The following LGI3 variants were observed in gnomAD, a reference collection of about 807,000 sequenced individuals.
The protein encoded by LGI3 is leucine rich repeat LGI family member 3.
LGI3 carries 47 observed loss-of-function variants against 55.4 expected under a neutral mutation model. The ratio of observed to expected loss-of-function variants is 0.85; its 90% CI spans 0.67 to 1.08. The LOEUF is 1.08. Ranked by LOEUF, LGI3 falls within the 50% of genes least tolerant of loss-of-function variation. The pLI is 0.00. For missense variants in LGI3, 664 were observed against 726.3 expected (o/e 0.91, Z 0.99); for synonymous variants, 326 against 315.0 (o/e 1.04, Z -0.37).
chr8:22,151,282 G>A (rs1827373869), intron 7 of LGI3, among the ~76,000 whole-genome samples: 1 of 152,132 alleles, frequency 6.6e-6, no homozygotes, highest in Non-Finnish European at 1.5e-5. Context: ...AGAGCATCAT[G>A]TTCATATCTC....
In LGI3 at chr8:22,148,516, C is replaced by T; in HGVS notation, c.1291G>A (p.Ala431Thr). 3 of 1,613,514 alleles carry T rather than the reference C, an allele frequency of 1.9e-6. No homozygotes were observed. The highest frequency in any genetic ancestry group is 2.5e-6 in the Non-Finnish European group (3 of 1,180,000). ...PDAQAVKHFR[A>T]GRDSYLCLSR... ...AGGCACAGGTAGCTGTCGCGGCCGG[C>T]ACGAAAGTGTTTCACAGCTTGGGCA... Residue 431 changes from alanine to threonine, a missense_variant, in exon 8 of 8, where the codon GCC becomes ACC. Ala to Thr is a moderately conservative substitution (Grantham distance 58). Coordinates refer to ENST00000306317, the MANE Select transcript of LGI3 (RefSeq NM_139278.4). This position sits in a 1 kb window ranked among gnomAD's most constrained non-coding sequence, Gnocchi z 7.0.
Position 22,156,585 on chromosome 8 carries a change from G to T in LGI3, c.-43C>A. ...CCTGGGGCCGGCGGCCGCGGCCCCC[G>T]CCCCACCGCTCCCGCGGCTGGGCCA... On this transcript the variant is annotated 5_prime_UTR_variant, in exon 1 of 8. Transcript: ENST00000306317. 1 of 763,814 alleles carries T rather than the reference G, an allele frequency of 1.3e-6. No homozygotes were observed. The allele number at this position is 763,814 out of a possible 1,614,324, so 47.3% of individuals were successfully genotyped here. A position where few individuals can be genotyped will look rare whatever the true frequency, so the allele number is the denominator to read the frequency against.
intron 5 of LGI3, among the ~76,000 whole-genome samples, chr8:22,153,037 G>A (rs903619904): frequency 2.4e-4 from 36 of 147,878 alleles, no homozygotes; most frequent in African/African-American, 7.2e-4. Context: ...GTGACAGAGC[G>A]AGACTCTGTC....
Position 22,154,574 on chromosome 8 carries a change from C to A in LGI3, c.336G>T (p.Ser112=). The A allele has an allele frequency of 6.2e-7, 1 of 1,613,894 alleles. No individual in the cohort carries two copies. The highest frequency in any genetic ancestry group is 8.5e-7 in the Non-Finnish European group (1 of 1,179,812). Residue 112 remains serine (S), a synonymous_variant, in exon 3 of 8, where the codon TCG becomes TCT. Coordinates refer to ENST00000306317, the MANE Select transcript of LGI3 (RefSeq NM_139278.4). ...LIGDNAFTGL[S]HLQYLFIENN... is the part of the protein sequence containing the mutation. ...CTCCCACACACAGATACTGCAGGTG[C>A]GACAGTCCTGTGAAGGCGTTGTCTC...
Position 22,148,228 on chromosome 8 carries a change from G to A in LGI3, c.1579C>T (p.Leu527Phe). Residue 527 changes from leucine (L) to phenylalanine (F), a missense_variant, in exon 8 of 8, where the codon CTC becomes TTC. Coordinates refer to ENST00000306317, the MANE Select transcript of LGI3 (RefSeq NM_139278.4). This position sits in a 1 kb window ranked among gnomAD's most constrained non-coding sequence, Gnocchi z 7.0. Reference sequence around the variant, plus strand: ...TGTCCCTTGAAGCTGGGGGCCAGGAGTAGCTGGGCGTCCCCAGCAGGCATG... The same window carrying A: ...TGTCCCTTGAAGCTGGGGGCCAGGAATAGCTGGGCGTCCCCAGCAGGCATG... The part of the protein sequence containing the change: ...CYMPAGDAQL[L>F]LAPSFKGQTL... 1 of 1,614,018 alleles carries A rather than the reference G, an allele frequency of 6.2e-7. No individual in the cohort carries two copies. Among genetic ancestry groups the A allele is most frequent in the Non-Finnish European group, 8.5e-7 (1 of 1,179,982 alleles).
At chr8:22,151,428 A>T in intron 7 of LGI3, 61 bp downstream of exon 7, 1 of 1,522,236 alleles carries the variant, frequency 6.6e-7, no homozygotes, top group Non-Finnish European at 9.1e-7. Flanking sequence ...GGGTTGAACG[A>T]TGGAGCCCAC....
Position 22,148,337 on chromosome 8 carries a change from G to C in LGI3, c.1470C>G (p.Thr490=), listed in dbSNP as rs1360014158. 6.2e-7 allele frequency: 1 copy of C among 1,614,100 alleles called. No homozygotes were observed. The highest frequency in any genetic ancestry group is 8.5e-7 in the Non-Finnish European group (1 of 1,180,000). ...GTCCCTCATCCCACTGGTAGATCTG[G>C]GTGAAGGAGAAATCACTGCCCAGTG... ...YLALGSDFSF[T]QIYQWDEGRQ... Residue 490 remains threonine (T), a synonymous_variant, in exon 8 of 8, where the codon ACC becomes ACG. Transcript: ENST00000306317. The surrounding 1 kb of genome is among the most constrained non-coding windows in gnomAD (Gnocchi z 7.0).
chr8:22,152,017 G>T lies in LGI3; in HGVS notation c.495-17C>A, dbSNP rs1371101085. 6.4e-7 allele frequency: 1 copy of T among 1,572,584 alleles called. No individual in the cohort carries two copies. Among genetic ancestry groups the T allele is most frequent in the Admixed American group, 1.8e-5 (1 of 56,972 alleles). ...CGCAGGTCCCTGCATCATGAGGGCA[G>T]AGGAGGGGGGCACAGAGAAAGACAT... On this transcript the variant is annotated splice_polypyrimidine_tract_variant and intron_variant, in intron 5 of 7. Transcript: ENST00000306317.
chr8:22,156,180 C>T (rs1275385611), intron 1 of LGI3, among the ~76,000 whole-genome samples, 157 bp downstream of exon 1: 3 of 152,210 alleles, frequency 2.0e-5, no homozygotes, highest in East Asian at 3.9e-4. Context: ...AACTCCCTGC[C>T]CGACTGGTGC....
chr8:22,154,952 G>A (rs1563212200), intron 2 of LGI3: 1 of 434,864 alleles, frequency 2.3e-6, no homozygotes, highest in Non-Finnish European at 4.2e-6. Context: ...AGCCCCTCAT[G>A]GACAACTGTC....
Position 22,147,879 on chromosome 8 carries a change from G to A in LGI3, c.*281C>T. 2 of 430,614 alleles carry A rather than the reference G, an allele frequency of 4.6e-6. No homozygotes were observed. The highest frequency in any genetic ancestry group is 8.3e-6 in the Non-Finnish European group (2 of 240,234). 26.7% of individuals were successfully genotyped at this position (430,614 alleles called of 1,614,324 possible). A position where few individuals can be genotyped will look rare whatever the true frequency, so the allele number is the denominator to read the frequency against. On this transcript the variant is annotated 3_prime_UTR_variant, in exon 8 of 8. Coordinates refer to ENST00000306317, the MANE Select transcript of LGI3 (RefSeq NM_139278.4). ...ACTCGTGCATGAGACAGGGGGCAGAGCATGGGAAAGGCTGCAGAGTAGGGG... is the reference window on the plus strand; with the variant it reads ...ACTCGTGCATGAGACAGGGGGCAGAACATGGGAAAGGCTGCAGAGTAGGGG...
At position 22,148,237 on chromosome 8, in the gene LGI3, C is replaced by A. The variant is rs34112456; in HGVS notation, c.1570G>T (p.Ala524Ser). Residue 524 changes from alanine to serine, a missense_variant, in exon 8 of 8, where the codon GCC becomes TCC. Physicochemically the swap from Ala to Ser is moderately conservative, Grantham distance 99 (BLOSUM62 1). Transcript: ENST00000306317. The surrounding 1 kb of genome is among the most constrained non-coding windows in gnomAD (Gnocchi z 7.0). ...RAFCYMPAGD[A>S]QLLLAPSFKG... is the part of the protein sequence containing the mutation. ...AAGCTGGGGGCCAGGAGTAGCTGGG[C>A]GTCCCCAGCAGGCATGTAGCAGAAG... The A allele has an allele frequency of 1.5e-5, 25 of 1,613,820 alleles. No homozygotes were observed. The East Asian group carries it at 4.7e-4, about 30-fold the overall frequency.
In LGI3 at chr8:22,147,507, G is replaced by T; in HGVS notation, c.*653C>A. On this transcript the variant is annotated 3_prime_UTR_variant, in exon 8 of 8. Transcript: ENST00000306317. The stretch of plus-strand genomic sequence containing the variant: ...GGGGGCACGCTGGGGGTGAGCAGAG[G>T]GGGCCCCCTCCAAGCAGAGAGGCAA... 6.5e-6 allele frequency: 1 copy of T among 152,690 alleles called. No homozygotes were observed. The highest frequency in any genetic ancestry group is 2.4e-5 in the African/African-American group (1 of 41,462). The allele number at this position is 152,690 out of a possible 1,614,324, so 9.5% of individuals were successfully genotyped here.
intron 3 of LGI3, 52 bp downstream of exon 3, chr8:22,154,508 C>T: frequency 1.9e-6 from 3 of 1,542,338 alleles, no homozygotes; most frequent in Non-Finnish European, 1.8e-6. Context: ...CCTCCCAGGC[C>T]TGGGGTCCCC....
At chr8:22,149,754 TCTCA>T (rs1271132798) in intron 7 of LGI3, among the ~76,000 whole-genome samples, 1 of 151,936 alleles carries the variant, frequency 6.6e-6, no homozygotes, top group African/African-American at 2.4e-5. Context: ...CCTCTTTCCT[TCTCA>T]CTATGACCCC....
intron 7 of LGI3, among the ~76,000 whole-genome samples, chr8:22,150,228 T>G (rs946169708): frequency 6.6e-6 from 1 of 152,176 alleles, no homozygotes; most frequent in Non-Finnish European, 1.5e-5. Context: ...GCCAGGAGGT[T>G]TTTTTAGGAG....
At chr8:22,152,024 G>A (rs1827386557) in intron 5 of LGI3, 24 bp from the exon 6 acceptor site, 2 of 1,561,046 alleles carry the variant, frequency 1.3e-6, no homozygotes, top group Non-Finnish European at 8.7e-7. Context: ...GCAGAGGAGG[G>A]GGGCACAGAG....
At position 22,151,704 on chromosome 8, in the gene LGI3, T is replaced by G. The variant is rs1241082388; in HGVS notation, c.665-51A>C. The G allele has an allele frequency of 4.4e-6, 7 of 1,595,562 alleles. No homozygotes were observed. The African/African-American group carries it at 6.7e-5, about 15-fold the overall frequency. On this transcript the variant is annotated intron_variant, in intron 6 of 7. Transcript: ENST00000306317. ...AAGACCAGAGGGAGAAGGGAAGGGC[T>G]GCTTGGGTGATGGTGGTTGCTTTAC...
chr8:22,151,993 G>A lies in LGI3; in HGVS notation c.502C>T (p.Arg168Trp), dbSNP rs371552621. The A allele has an allele frequency of 1.1e-5, 17 of 1,597,674 alleles. No individual in the cohort carries two copies. Among genetic ancestry groups the A allele is most frequent in the African/African-American group, 8.0e-5 (6 of 74,816 alleles). The change falls in exon 6 of 8, where the codon CGG becomes TGG. Residue 168 changes from arginine (R) to tryptophan (W), a missense_variant. Transcript: ENST00000306317. ...PLDILNDLDL[R>W]GNSLNCDCKV... ...CAGTCACAGTTGAGTGAGTTGCCCCGCAGGTCCCTGCATCATGAGGGCAGA... is the reference window on the plus strand; with the variant it reads ...CAGTCACAGTTGAGTGAGTTGCCCCACAGGTCCCTGCATCATGAGGGCAGA...
Sources: gnomAD v4.1 joint callset for allele counts (sites outside exome capture counted in the v4.1 genomes callset) on GRCh38, gnomAD v4.1.1 for gene constraint, Gnocchi (gnomAD v3.1) non-coding constraint, MANE v1.5 for transcripts, NCBI Gene and HGNC (gene_info 2026-07-23, HGNC 2026-07-21) for gene names.